The following MAP4K3 variants were observed in gnomAD, a reference collection of about 807,000 sequenced individuals.
MAP4K3 encodes the protein mitogen-activated protein kinase kinase kinase kinase 3, also known as MAPK/ERK kinase kinase kinase 3.
A neutral mutation model predicts 143.5 loss-of-function variants in MAP4K3; 94 were observed. The ratio of observed to expected loss-of-function variants is 0.65; its 90% confidence interval spans 0.55 to 0.78. The LOEUF (loss-of-function observed/expected upper bound fraction) is 0.78, where lower values mean the gene tolerates loss of function less well. Ranked by LOEUF, MAP4K3 falls within the 30% of genes least tolerant of loss-of-function variation. The pLI is 0.00. For missense variants in MAP4K3, 1,077 were observed against 1,068.1 expected, an observed-to-expected ratio of 1.01 and a Z score of -0.12; for synonymous variants, 416 against 347.2, an observed-to-expected ratio of 1.20 and a Z score of -2.20.
chr2:39,289,261 AAAC>A (rs1362499711), intron 19 of MAP4K3, among the ~76,000 whole-genome samples: 5 of 152,216 alleles, frequency 3.3e-5, no homozygotes, highest in Non-Finnish European at 7.3e-5. Flanking sequence ...TGATAAAACT[AAAC>A]AAGCAAGTAC....
intron 26 of MAP4K3, among the ~76,000 whole-genome samples, chr2:39,269,649 G>C (rs1680929676): frequency 1.3e-5 from 2 of 151,864 alleles, no homozygotes; most frequent in South Asian, 4.2e-4. Flanking sequence ...ATTATTCAGA[G>C]TGTGCAAGGT....
chr2:39,409,643 C>T (rs1381637724), intron 1 of MAP4K3, among the ~76,000 whole-genome samples: 2 of 152,028 alleles, frequency 1.3e-5, no homozygotes, highest in East Asian at 1.9e-4. Context: ...ATGCAGAGAA[C>T]AGAAATCGGA....
chr2:39,280,417 A>T, intron 22 of MAP4K3, 61 bp from the exon 23 acceptor site: 1 of 918,918 alleles, frequency 1.1e-6, no homozygotes, highest in Non-Finnish European at 1.7e-6. Flanking sequence ...TAATATATAA[A>T]ATGTAACTAT....
At chr2:39,267,026 G>GTAT (rs1680794525) in intron 27 of MAP4K3, among the ~76,000 whole-genome samples, 163 bp downstream of exon 27, 1 of 152,074 alleles carries the variant, frequency 6.6e-6, no homozygotes, top group South Asian at 2.1e-4. Context: ...AAGGTACTAT[G>GTAT]TATTAGGCTT....
At chr2:39,265,453 G>C in intron 27 of MAP4K3, 147 bp from the exon 28 acceptor site, 1 of 677,984 alleles carries the variant, frequency 1.5e-6, no homozygotes, top group South Asian at 1.7e-5. Flanking sequence ...CTTAATTAGA[G>C]GGCTGGGTGA....
intron 13 of MAP4K3, among the ~76,000 whole-genome samples, chr2:39,311,786 GA>G (rs1202813662): frequency 6.6e-6 from 1 of 152,222 alleles, no homozygotes; most frequent in Non-Finnish European, 1.5e-5. Context: ...CCTTGAGCCA[GA>G]ATCACTCAGC....
At chr2:39,382,580 A>C (rs975721910) in intron 1 of MAP4K3, among the ~76,000 whole-genome samples, 2 of 152,226 alleles carry the variant, frequency 1.3e-5, no homozygotes, top group Non-Finnish European at 2.9e-5. Flanking sequence ...TGTTTATATC[A>C]AATAATTTCA....
intron 3 of MAP4K3, among the ~76,000 whole-genome samples, chr2:39,355,252 T>G (rs967643115): frequency 2.7e-5 from 4 of 148,866 alleles, no homozygotes; most frequent in African/African-American, 7.5e-5. Flanking sequence ...TCCCAGGTAC[T>G]CAGGAGGCTG....
At chr2:39,299,701 A>C (rs2111382) in intron 16 of MAP4K3, 42 bp downstream of exon 16, 1,116,440 of 1,126,554 alleles carry the variant, frequency 0.99, 553,822 homozygotes, top group East Asian at 1. Context: ...GCAACTTAAT[A>C]ATTCTTGAAT....
intron 9 of MAP4K3, 79 bp from the exon 10 acceptor site, chr2:39,326,040 T>C: frequency 6.7e-7 from 1 of 1,490,144 alleles, no homozygotes. Flanking sequence ...TTACTATTTG[T>C]TCCCCAAATA....
At chr2:39,302,064 T>G (rs1318613427) in intron 15 of MAP4K3, among the ~76,000 whole-genome samples, 2 of 151,268 alleles carry the variant, frequency 1.3e-5, no homozygotes, top group African/African-American at 4.9e-5. Context: ...ATAAAGAAAA[T>G]AAACTGAGTT....
chr2:39,292,181 G>A (rs1418935094), intron 18 of MAP4K3, among the ~76,000 whole-genome samples: 1 of 152,116 alleles, frequency 6.6e-6, no homozygotes, highest in Non-Finnish European at 1.5e-5. Flanking sequence ...CTTCTTTGTA[G>A]TTGTAGTAAA....
chr2:39,263,698 GA>G (rs1558607447), intron 28 of MAP4K3, among the ~76,000 whole-genome samples: 1 of 152,112 alleles, frequency 6.6e-6, no homozygotes, highest in African/African-American at 2.4e-5. Flanking sequence ...TTAAAATCTT[GA>G]GGGAGACCTG....
chr2:39,404,579 A>C (rs150579907), intron 1 of MAP4K3, among the ~76,000 whole-genome samples: 21 of 151,356 alleles, frequency 1.4e-4, no homozygotes, highest in Non-Finnish European at 2.7e-4. Flanking sequence ...AAACACCAGG[A>C]AGATTTCTGA....
intron 1 of MAP4K3, among the ~76,000 whole-genome samples, chr2:39,400,211 T>C (rs1344696654): frequency 6.6e-6 from 1 of 152,228 alleles, no homozygotes; most frequent in East Asian, 1.9e-4. Context: ...ATGTCTGTTG[T>C]ATGTTTTTAA....
At chr2:39,411,004 A>AC (rs1667218006) in intron 1 of MAP4K3, among the ~76,000 whole-genome samples, 1 of 151,920 alleles carries the variant, frequency 6.6e-6, no homozygotes, top group Admixed American at 6.6e-5. Flanking sequence ...TCATTATGCC[A>AC]TTTTTTTTAC....
chr2:39,424,394 G>C (rs1450754015), intron 1 of MAP4K3, among the ~76,000 whole-genome samples: 1 of 152,150 alleles, frequency 6.6e-6, no homozygotes, highest in African/African-American at 2.4e-5. Flanking sequence ...TGCAATCTAG[G>C]TGCTTGGGGA....
intron 1 of MAP4K3, among the ~76,000 whole-genome samples, chr2:39,407,548 T>C (rs753354083): frequency 1.3e-5 from 2 of 152,042 alleles, no homozygotes; most frequent in African/African-American, 4.8e-5. Flanking sequence ...ACAGGTTTGT[T>C]TGTTTGTTTT....
intron 33 of MAP4K3, among the ~76,000 whole-genome samples, chr2:39,251,372 G>A (rs1026022568): frequency 6.6e-6 from 1 of 152,196 alleles, no homozygotes. Flanking sequence ...AAGCTTTTAA[G>A]AGAATTCAGC....
Sources: allele counts gnomAD v4.1 joint callset (sites outside exome capture counted in the v4.1 genomes callset), GRCh38; gene constraint gnomAD v4.1.1; transcripts MANE v1.5; gene names NCBI Gene and HGNC (gene_info 2026-07-23, HGNC 2026-07-21).